Variants in MTAP observed in about 807,000 individuals in gnomAD.
MTAP encodes the protein methylthioadenosine phosphorylase.
MTAP carries 33 observed loss-of-function variants against 33.6 expected under a neutral mutation model. That is an observed-to-expected ratio of 0.98 (90% CI 0.74 to 1.31). MTAP has a LOEUF of 1.31. Among genes scored for constraint, MTAP ranks in the 40% most tolerant of loss-of-function variants. The pLI, the probability that MTAP is intolerant of heterozygous loss-of-function variation, is 0.00. For synonymous variants in MTAP, 148 were observed against 125.7 expected, an observed-to-expected ratio of 1.18 and a Z score of -1.19; for missense variants, 367 against 360.0, an observed-to-expected ratio of 1.02 and a Z score of -0.16.
At chr9:21,883,411 T>C (rs1431203701) in intron 1 of MTAP, among the ~76,000 whole-genome samples, 1 of 151,934 alleles carries the variant, frequency 6.6e-6, no homozygotes, top group Non-Finnish European at 1.5e-5. Context: ...GCATCAAGAG[T>C]TCTCATACAG....
intron 2 of MTAP, 130 bp downstream of exon 2, chr9:21,815,649 G>C: frequency 2.9e-6 from 2 of 688,226 alleles, no homozygotes; most frequent in South Asian, 3.5e-5. Context: ...GCTCCCAGCA[G>C]AGAGGGCCAG....
rs1313230029 is a variant in MTAP at position 21,864,023 on chromosome 9, T to G, written c.*2009T>G. On this transcript the variant is annotated 3_prime_UTR_variant, in exon 8 of 8. Coordinates refer to ENST00000644715, the MANE Select transcript of MTAP (RefSeq NM_002451.4). ...TAGCTCTGGTAACGTGTGATTGTTTTCACTACAATATGATACATAGATGGT... is the reference window on the plus strand; with the variant it reads ...TAGCTCTGGTAACGTGTGATTGTTTGCACTACAATATGATACATAGATGGT... The G allele has an allele frequency of 1.0e-6, 1 of 985,638 alleles. No individual in the cohort carries two copies. The highest frequency in any genetic ancestry group is 1.2e-6 in the Non-Finnish European group (1 of 829,926). The allele number at this position is 985,638 out of a possible 1,614,324, so 61.1% of individuals were successfully genotyped here. A position where few individuals can be genotyped will look rare whatever the true frequency, so the allele number is the denominator to read the frequency against.
Position 21,877,237 on chromosome 9 carries a change from T to C in MTAP, c.147+22367T>C, listed in dbSNP as rs753339860. Among the ~76,000 whole-genome samples the C allele has an allele frequency of 2.7e-4, 41 of 152,264 alleles. 2 individuals are homozygous for C. The highest frequency in any genetic ancestry group is 6.5e-5 in the Admixed American group (1 of 15,282). On this transcript the variant is annotated intron_variant, in intron 1 of 1. Coordinates refer to the MTAP transcript ENST00000577563. Reference sequence around the variant, plus strand: ...ATCCTGAAATTTTGCTGAAGTTGTTTATGTGGTGAAGGAGATTTTGGGCTG... The same window carrying C: ...ATCCTGAAATTTTGCTGAAGTTGTTCATGTGGTGAAGGAGATTTTGGGCTG...
intron 1 of MTAP, among the ~76,000 whole-genome samples, chr9:21,878,673 A>C (rs779208175): frequency 6.6e-6 from 1 of 151,996 alleles, no homozygotes; most frequent in Non-Finnish European, 1.5e-5. Context: ...AGATCTTGCT[A>C]AATTTTTAAT....
chr9:21,931,059 C>T lies in MTAP; in HGVS notation c.199C>T (p.Gln67Ter), dbSNP rs1347124927. Residue 67 changes from glutamine (Q) to a stop codon, truncating the protein, a stop_gained, in exon 2 of 2, where the codon CAA becomes TAA. Coordinates refer to the MTAP transcript ENST00000577563. LOFTEE classifies it high-confidence loss of function. ...TGAGGGATACCATCCTTTCAATATT[C>T]AAGAGTCACCCTTCTACAGAGGACT... is the stretch of plus-strand genomic sequence containing the variant. 1.3e-6 allele frequency: 1 copy of T among 764,406 alleles called. No homozygotes were observed. Among genetic ancestry groups the T allele is most frequent in the Non-Finnish European group, 2.4e-6 (1 of 417,466 alleles). 47.4% of individuals were successfully genotyped at this position (764,406 alleles called of 1,614,324 possible).
intron 1 of MTAP, among the ~76,000 whole-genome samples, chr9:21,920,967 T>C (rs573152958): frequency 2.6e-5 from 4 of 152,320 alleles, no homozygotes; most frequent in Admixed American, 6.5e-5. Flanking sequence ...CCCATTTTTT[T>C]TGGAAGAGTT....
chr9:21,822,427 T>C (rs1824667526), intron 4 of MTAP, among the ~76,000 whole-genome samples: 1 of 152,232 alleles, frequency 6.6e-6, no homozygotes, highest in Non-Finnish European at 1.5e-5. Flanking sequence ...AATTTCCATG[T>C]AGTTGAGCAG....
intron 1 of MTAP, among the ~76,000 whole-genome samples, chr9:21,812,892 C>T (rs918532567): frequency 1.2e-4 from 19 of 152,184 alleles, no homozygotes; most frequent in African/African-American, 4.3e-4. Context: ...GGCCCCTGGA[C>T]GAGGTTTTTA....
intron 4 of MTAP, among the ~76,000 whole-genome samples, chr9:21,824,514 G>C (rs748163480): frequency 5.3e-5 from 8 of 152,322 alleles, no homozygotes; most frequent in East Asian, 1.9e-4. Context: ...CTGCCCTACT[G>C]GGGGGTGCCT....
chr9:21,920,476 A>G (rs964792720), intron 1 of MTAP, among the ~76,000 whole-genome samples: 7 of 152,178 alleles, frequency 4.6e-5, no homozygotes, highest in African/African-American at 1.7e-4. Flanking sequence ...AAACTTACTT[A>G]GTTTGGAGGA....
intron 1 of MTAP, among the ~76,000 whole-genome samples, chr9:21,902,217 A>G (rs1383236265): frequency 2.0e-5 from 3 of 152,224 alleles, no homozygotes; most frequent in Non-Finnish European, 4.4e-5. Flanking sequence ...TGGAGATAAA[A>G]CAGCTTCCTC....
rs1399994713 is a variant in MTAP at position 21,838,000 on chromosome 9, A to T, written c.440A>T (p.Lys147Ile). 6.2e-7 allele frequency: 1 copy of T among 1,613,682 alleles called. No individual in the cohort carries two copies. Residue 147 changes from lysine (K) to isoleucine (I), a missense_variant, in exon 5 of 8, where the codon AAA becomes ATA. Physicochemically the swap from Lys to Ile is moderately radical, Grantham distance 102 (BLOSUM62 -3). Transcript: ENST00000644715. ...HIPMAEPFCP[K>I]TREVLIETAK... ...CCAATGGCTGAGCCGTTTTGCCCCA[A>T]AACGAGAGAGGTGTGTAGTCTTTCT...
At chr9:21,905,173 T>G (rs933903327) in intron 1 of MTAP, among the ~76,000 whole-genome samples, 1 of 152,150 alleles carries the variant, frequency 6.6e-6, no homozygotes, top group Non-Finnish European at 1.5e-5. Flanking sequence ...CCTTCCCTAG[T>G]GTATTGGAAA....
chr9:21,915,000 T>TTCCTTCCTTCCTTCCTTCCTTCCTTCC, intron 1 of MTAP, among the ~76,000 whole-genome samples: 1 of 83,770 alleles, frequency 1.2e-5, no homozygotes, highest in African/African-American at 5.7e-5. Context: ...CTTTGTTTTC[T>TTCCTTCCTTCCTTCCTTCCTTCCTTCC]TTCCTTCCTT....
chr9:21,915,594 G>T (rs558112667), intron 1 of MTAP, among the ~76,000 whole-genome samples: 298 of 152,124 alleles, frequency 2.0e-3, no homozygotes, highest in Admixed American at 2.9e-3. Context: ...GGGCTATATG[G>T]TAACTCCACA....
chr9:21,918,349 CAAAAA>C (rs34446505), intron 1 of MTAP, among the ~76,000 whole-genome samples: 7 of 23,812 alleles, frequency 2.9e-4, no homozygotes, highest in South Asian at 4.4e-3. Context: ...GACTCCGTCT[CAAAAA>C]AAAAAAAAAA....
chr9:21,872,022 G>A (rs1420016360), downstream of MTAP, among the ~76,000 whole-genome samples: 1 of 152,022 alleles, frequency 6.6e-6, no homozygotes, highest in Admixed American at 6.6e-5. Context: ...ATGCTAAAAG[G>A]TATCTGCTCT....
At chr9:21,867,168 T>C (rs1825865593), downstream of MTAP, 1 of 152,200 alleles carries the variant, frequency 6.6e-6, no homozygotes. Flanking sequence ...ACAGTTTACC[T>C]TTTGTTTCTT....
At chr9:21,861,765 A>G (rs527503791) in intron 7 of MTAP, 1 of 585,980 alleles carries the variant, frequency 1.7e-6, no homozygotes, top group Non-Finnish European at 3.1e-6. Flanking sequence ...CTCACTTTAC[A>G]GGAAAGGGAG....
Sources: gnomAD v4.1 joint callset for allele counts (sites outside exome capture counted in the v4.1 genomes callset) on GRCh38, gnomAD v4.1.1 for gene constraint, MANE v1.5 for transcripts, NCBI Gene and HGNC (gene_info 2026-07-23, HGNC 2026-07-21) for gene names.